Variants in PTP4A1 observed in about 807,000 individuals in gnomAD.
The protein encoded by PTP4A1 is protein tyrosine phosphatase type IVA 1.
PTP4A1 carries 9 observed loss-of-function variants against 20.5 expected under a neutral mutation model. The ratio of observed to expected loss-of-function variants is 0.44; its 90% CI spans 0.26 to 0.77. The LOEUF (loss-of-function observed/expected upper bound fraction) is 0.77, where lower values mean the gene tolerates loss of function less well. Ranked by LOEUF, PTP4A1 falls within the 30% of genes least tolerant of loss-of-function variation. The probability of loss-of-function intolerance (pLI) is 0.19; values close to 1 mark genes in which losing one functional copy is unlikely to be tolerated. For synonymous variants in PTP4A1, 78 were observed against 67.4 expected, an observed-to-expected ratio of 1.16 and a Z score of -0.77; for missense variants, 137 against 218.8, an observed-to-expected ratio of 0.63 and a Z score of 2.36.
chr6:63,559,955 C>A (rs1223158905), intron 3 of PTP4A1, among the ~76,000 whole-genome samples: 2 of 151,996 alleles, frequency 1.3e-5, no homozygotes, highest in Non-Finnish European at 2.9e-5. Flanking sequence ...ACAACAGCAA[C>A]CCAGGATGGA....
At chr6:63,564,933 C>T (rs1233402809) in intron 3 of PTP4A1, among the ~76,000 whole-genome samples, 1 of 152,230 alleles carries the variant, frequency 6.6e-6, no homozygotes, top group Non-Finnish European at 1.5e-5. Flanking sequence ...GTCCTTTATT[C>T]AGTGCCCCAA....
upstream of PTP4A1, among the ~76,000 whole-genome samples, chr6:63,519,086 G>T (rs369905092): frequency 6.6e-6 from 1 of 152,118 alleles, no homozygotes; most frequent in African/African-American, 2.4e-5. Context: ...AGGCCAAGGC[G>T]GGCAGATCGC....
chr6:63,535,751 C>A (rs999726446), intron 2 of PTP4A1, among the ~76,000 whole-genome samples: 2 of 152,146 alleles, frequency 1.3e-5, no homozygotes, highest in African/African-American at 4.8e-5. Context: ...AAGCTGACAG[C>A]CTTCCGGAAG....
intron 2 of PTP4A1, among the ~76,000 whole-genome samples, chr6:63,532,277 G>A (rs1318223451): frequency 6.6e-6 from 1 of 152,100 alleles, no homozygotes; most frequent in Admixed American, 6.6e-5. Context: ...CAAATTTTCA[G>A]GAATATTGTC....
At chr6:63,567,505 A>G (rs1777241578), upstream of PTP4A1, among the ~76,000 whole-genome samples, 1 of 152,210 alleles carries the variant, frequency 6.6e-6, no homozygotes, top group African/African-American at 2.4e-5. Context: ...TCAACAGTGG[A>G]CTTAAAATAT....
At chr6:63,559,700 G>C (rs1435347108) in intron 3 of PTP4A1, among the ~76,000 whole-genome samples, 1 of 151,528 alleles carries the variant, frequency 6.6e-6, no homozygotes, top group Non-Finnish European at 1.5e-5. Context: ...AGCCAAGATC[G>C]CGCCACTGCA....
rs1246431332 is a variant in PTP4A1, at chr6:63,581,525, G to A, written c.*1351G>A. 6.6e-6 allele frequency: 1 copy of A among 152,342 alleles called. No homozygotes were observed. Among genetic ancestry groups the A allele is most frequent in the African/African-American group, 2.4e-5 (1 of 41,432 alleles). 9.4% of individuals were successfully genotyped at this position (152,342 alleles called of 1,614,324 possible). A position where few individuals can be genotyped will look rare whatever the true frequency, so the allele number is the denominator to read the frequency against. ...AAATGAATTGCACTTCACTTAATGT[G>A]TGTCCTCATCTTTTTACAAATAAAT... On this transcript the variant is annotated 3_prime_UTR_variant, in exon 6 of 6. Coordinates refer to ENST00000626021, the MANE Select transcript of PTP4A1 (RefSeq NM_003463.5).
chr6:63,572,344 C>A (rs928135057), upstream of PTP4A1: 12 of 279,274 alleles, frequency 4.3e-5, no homozygotes, highest in African/African-American at 2.6e-4. Context: ...CGGCGGCCGC[C>A]GCGGAGTGAC....
At chr6:63,530,474 A>G (rs1364224355) in intron 2 of PTP4A1, among the ~76,000 whole-genome samples, 1 of 152,216 alleles carries the variant, frequency 6.6e-6, no homozygotes, top group Non-Finnish European at 1.5e-5. Flanking sequence ...TTAGACGCCC[A>G]GATGTAAATG....
At chr6:63,545,104 G>A (rs992670382) in intron 2 of PTP4A1, among the ~76,000 whole-genome samples, 4 of 152,068 alleles carry the variant, frequency 2.6e-5, no homozygotes, top group African/African-American at 9.7e-5. Context: ...TTCCCTTCTT[G>A]CTCAAATACT....
At chr6:63,557,430 T>A (rs1245010732) in intron 3 of PTP4A1, among the ~76,000 whole-genome samples, 1 of 151,938 alleles carries the variant, frequency 6.6e-6, no homozygotes, top group Admixed American at 6.6e-5. Flanking sequence ...TCTGGTGTAG[T>A]GTGCGTGCCT....
chr6:63,575,193 A>G (rs1193744126), intron 1 of PTP4A1, among the ~76,000 whole-genome samples: 1 of 152,220 alleles, frequency 6.6e-6, no homozygotes, highest in Non-Finnish European at 1.5e-5. Context: ...TAATTTTAAG[A>G]CTTCAAATGC....
intron 2 of PTP4A1, among the ~76,000 whole-genome samples, chr6:63,529,108 T>C (rs1775326685): frequency 6.8e-6 from 1 of 146,724 alleles, no homozygotes; most frequent in African/African-American, 2.5e-5. Context: ...TATATGTGTG[T>C]ATATATATAT....
chr6:63,557,381 C>A (rs1436995210), intron 3 of PTP4A1, among the ~76,000 whole-genome samples: 1 of 152,106 alleles, frequency 6.6e-6, no homozygotes, highest in African/African-American at 2.4e-5. Context: ...GCCTGGCCAA[C>A]ATGGTGAAAC....
chr6:63,561,233 A>C (rs950710808), intron 3 of PTP4A1, among the ~76,000 whole-genome samples: 1 of 152,208 alleles, frequency 6.6e-6, no homozygotes, highest in African/African-American at 2.4e-5. Flanking sequence ...TAATACTTGT[A>C]TGACCCTAAG....
At chr6:63,574,630 G>T (rs907922873) in intron 1 of PTP4A1, among the ~76,000 whole-genome samples, 2 of 152,122 alleles carry the variant, frequency 1.3e-5, no homozygotes, top group African/African-American at 4.8e-5. Context: ...AGGAGTTTTA[G>T]CTATTAAATA....
upstream of PTP4A1, among the ~76,000 whole-genome samples, chr6:63,569,934 T>C (rs1293630478): frequency 2.0e-5 from 3 of 152,214 alleles, no homozygotes; most frequent in Non-Finnish European, 4.4e-5. Flanking sequence ...GCTGGGATGT[T>C]CTACTGTTCT....
In PTP4A1 at chr6:63,581,856, T is replaced by C. The variant is rs1778253712; in HGVS notation, c.*1682T>C. The C allele has an allele frequency of 1.3e-5, 2 of 152,158 alleles. No individual in the cohort carries two copies. Among genetic ancestry groups the C allele is most frequent in the Admixed American group, 1.3e-4 (2 of 15,280 alleles). 9.4% of individuals were successfully genotyped at this position (152,158 alleles called of 1,614,324 possible). On this transcript the variant is annotated 3_prime_UTR_variant, in exon 6 of 6. Coordinates refer to ENST00000626021, the MANE Select transcript of PTP4A1 (RefSeq NM_003463.5). The stretch of plus-strand genomic sequence containing the variant: ...TGAAATTAATTTAAATATTAGTATT[T>C]GGTACATGAAGGCTTAATGTTAAGT...
chr6:63,522,484 C>G (rs148301634), intron 1 of PTP4A1, among the ~76,000 whole-genome samples: 1 of 152,286 alleles, frequency 6.6e-6, no homozygotes, highest in African/African-American at 2.4e-5. Context: ...TTATCACCCT[C>G]GCCAAGACTG....
Sources: gnomAD v4.1 joint callset for allele counts (sites outside exome capture counted in the v4.1 genomes callset) on GRCh38, gnomAD v4.1.1 for gene constraint, MANE v1.5 for transcripts, NCBI Gene and HGNC (gene_info 2026-07-23, HGNC 2026-07-21) for gene names.